The following MALRD1 variants were observed in gnomAD, a reference collection of about 807,000 sequenced individuals.
MALRD1 encodes MAM and LDL receptor class A domain containing 1, also known as MAM and LDL-receptor class A domain-containing protein 1.
MALRD1 carries 247 observed loss-of-function variants against 242.1 expected under a neutral mutation model. The ratio of observed to expected loss-of-function variants is 1.02; its 90% CI spans 0.92 to 1.13. The LOEUF (loss-of-function observed/expected upper bound fraction) is 1.13. MALRD1 is among the 50% of genes most tolerant of loss of function. The probability of loss-of-function intolerance (pLI) is 0.00; values close to 1 mark genes in which losing one functional copy is unlikely to be tolerated. For synonymous variants in MALRD1, 995 were observed against 866.6 expected (o/e 1.15, Z -2.60); for missense variants, 2,989 against 2,533.1 (o/e 1.18, Z -3.86).
chr10:19,290,492 A>G (rs1841363576), intron 21 of MALRD1: 1 of 152,228 alleles, frequency 6.6e-6, no homozygotes, highest in Non-Finnish European at 1.5e-5. Flanking sequence ...AAGATAAAGT[A>G]AAAATCATTC....
At chr10:19,483,256 T>C (rs1158305999) in intron 29 of MALRD1, among the ~76,000 whole-genome samples, 1 of 148,160 alleles carries the variant, frequency 6.7e-6, no homozygotes, top group African/African-American at 2.5e-5. Flanking sequence ...CCTTGGGAAA[T>C]AATTTATGAC....
intron 5 of MALRD1, among the ~76,000 whole-genome samples, chr10:19,114,169 A>T (rs1294047315): frequency 6.6e-6 from 1 of 152,214 alleles, no homozygotes; most frequent in Non-Finnish European, 1.5e-5. Context: ...TTGTTTTAGT[A>T]TGAAAAATGA....
At chr10:19,460,709 A>C (rs1003821131) in intron 29 of MALRD1, among the ~76,000 whole-genome samples, 3 of 152,110 alleles carry the variant, frequency 2.0e-5, no homozygotes, top group Admixed American at 6.6e-5. Context: ...GGTGGATGGG[A>C]GGCAAGGACC....
rs529369497 is a variant in MALRD1 at position 19,171,503 on chromosome 10, T to G, written c.1831-3705T>G. Among the ~76,000 whole-genome samples, 22 of 142,080 alleles carry G rather than the reference T, an allele frequency of 1.5e-4. 1 individual carries two copies. Among genetic ancestry groups the G allele is most frequent in the Non-Finnish European group, 3.0e-4 (20 of 65,652 alleles). The allele number at this position is 142,080 out of a possible 152,430, so 93.2% of individuals were successfully genotyped here. A position where few individuals can be genotyped will look rare whatever the true frequency, so the allele number is the denominator to read the frequency against. On this transcript the variant is annotated intron_variant, in intron 13 of 39. Coordinates refer to ENST00000454679, the MANE Select transcript of MALRD1 (RefSeq NM_001142308.3). ...ACACATATATACACACACATATATA[T>G]GTGTCTATGTGTGTATATAAATACA...
intron 1 of MALRD1, among the ~76,000 whole-genome samples, chr10:19,054,842 A>G (rs571661638): frequency 1.3e-5 from 2 of 152,328 alleles, no homozygotes; most frequent in South Asian, 4.1e-4. Flanking sequence ...GCGATTGTGA[A>G]TAGTACTGCA....
At chr10:19,663,108 A>G (rs1841520428) in intron 36 of MALRD1, among the ~76,000 whole-genome samples, 1 of 152,084 alleles carries the variant, frequency 6.6e-6, no homozygotes, top group South Asian at 2.1e-4. Context: ...CTAGGCTTTT[A>G]GTTTAACCGT....
intron 4 of MALRD1, among the ~76,000 whole-genome samples, chr10:19,101,976 T>C (rs191072436): frequency 0.069 from 7,744 of 112,962 alleles, 391 homozygotes; most frequent in Admixed American, 0.21. Flanking sequence ...TGTTAATTTA[T>C]ATATGTTATA....
chr10:19,461,064 G>C (rs1835915051), intron 29 of MALRD1, among the ~76,000 whole-genome samples: 1 of 152,188 alleles, frequency 6.6e-6, no homozygotes, highest in African/African-American at 2.4e-5. Context: ...TTGTTTAATT[G>C]TTTTACAGAA....
At chr10:19,069,947 C>T (rs1357057815) in intron 2 of MALRD1, among the ~76,000 whole-genome samples, 1 of 151,876 alleles carries the variant, frequency 6.6e-6, no homozygotes, top group African/African-American at 2.4e-5. Context: ...TTCTTCTGTC[C>T]CATTCTCCCT....
chr10:19,195,550 T>G (rs142291071), intron 14 of MALRD1, among the ~76,000 whole-genome samples: 1 of 152,164 alleles, frequency 6.6e-6, no homozygotes, highest in African/African-American at 2.4e-5. Context: ...TTAATTGGGA[T>G]CTTAAATTTT....
At chr10:19,063,934 A>G (rs896382247) in intron 1 of MALRD1, among the ~76,000 whole-genome samples, 3 of 152,040 alleles carry the variant, frequency 2.0e-5, no homozygotes, top group African/African-American at 7.2e-5. Context: ...CCTAAAACTT[A>G]AAGTATCATA....
At chr10:19,690,219 T>C (rs1431987483) in intron 36 of MALRD1, among the ~76,000 whole-genome samples, 1 of 152,108 alleles carries the variant, frequency 6.6e-6, no homozygotes, top group African/African-American at 2.4e-5. Flanking sequence ...AAATTCAACA[T>C]ATTTTGAAAC....
intron 38 of MALRD1, among the ~76,000 whole-genome samples, chr10:19,719,672 G>A (rs957040371): frequency 9.9e-5 from 15 of 152,124 alleles, no homozygotes; most frequent in African/African-American, 3.6e-4. Flanking sequence ...ATTTCTGGTT[G>A]TGTTTGCAAA....
At chr10:19,667,104 C>T (rs1199544443) in intron 36 of MALRD1, among the ~76,000 whole-genome samples, 1 of 152,104 alleles carries the variant, frequency 6.6e-6, no homozygotes, top group South Asian at 2.1e-4. Context: ...CAGAAGGCCC[C>T]ACCCCCAGCA....
At chr10:19,199,677 T>A (rs1012499233) in intron 14 of MALRD1, among the ~76,000 whole-genome samples, 4 of 152,110 alleles carry the variant, frequency 2.6e-5, no homozygotes, top group Non-Finnish European at 4.4e-5. Context: ...GGCAGGCACC[T>A]GTAATCCCAG....
chr10:19,507,247 A>C (rs1833184140), intron 31 of MALRD1, among the ~76,000 whole-genome samples: 1 of 152,216 alleles, frequency 6.6e-6, no homozygotes, highest in South Asian at 2.1e-4. Context: ...TTAGGCAGGA[A>C]CCAATATCCA....
chr10:19,353,004 T>C (rs943839837), intron 26 of MALRD1, among the ~76,000 whole-genome samples: 3 of 152,028 alleles, frequency 2.0e-5, no homozygotes, highest in Admixed American at 2.0e-4. Flanking sequence ...TACTACTTTT[T>C]TTTTCTTTTT....
chr10:19,327,538 C>A, intron 22 of MALRD1, 25 bp from the exon 23 acceptor site: 3 of 1,505,020 alleles, frequency 2.0e-6, no homozygotes. Context: ...TACTTCAGTG[C>A]CTTTTACTTG....
intron 21 of MALRD1, among the ~76,000 whole-genome samples, chr10:19,290,965 T>C (rs143431702): frequency 3.0e-3 from 464 of 152,274 alleles, no homozygotes; most frequent in South Asian, 8.9e-3. Flanking sequence ...GTTTCTATAG[T>C]ATGTAAACTG....
Sources: gnomAD v4.1 joint callset for allele counts (sites outside exome capture counted in the v4.1 genomes callset) on GRCh38, gnomAD v4.1.1 for gene constraint, MANE v1.5 for transcripts, NCBI Gene and HGNC (gene_info 2026-07-23, HGNC 2026-07-21) for gene names.